Variants in UNC13C observed in about 807,000 individuals in gnomAD.
UNC13C encodes unc-13 homolog C.
A neutral mutation model predicts 245.4 loss-of-function variants in UNC13C; 174 were observed. The observed-to-expected ratio is 0.71, with a 90% confidence interval of 0.63 to 0.80. UNC13C has a LOEUF of 0.80. UNC13C is among the 30% of genes least tolerant of loss of function. The pLI is 0.00. For synonymous variants in UNC13C, 992 were observed against 895.1 expected, an observed-to-expected ratio of 1.11 and a Z score of -1.93; for missense variants, 2,829 against 2,602.9, an observed-to-expected ratio of 1.09 and a Z score of -1.89.
At position 54,627,426 on chromosome 15, in the gene UNC13C, C is replaced by CATCAGTTGTCTTTGTTAAATGA. The variant is rs1381467659; in HGVS notation, c.*314_*335dup. ...TAAAAACTAGTCTTTTGAGTTTGCC[C>CATCAGTTGTCTTTGTTAAATGA]ATCAGTTGTCTTTGTTAAATGAGAT... On this transcript the variant is annotated 3_prime_UTR_variant, in exon 33 of 33. Transcript: ENST00000260323. 5.0e-6 allele frequency: 1 copy of CATCAGTTGTCTTTGTTAAATGA among 199,890 alleles called. No homozygotes were observed. The highest frequency in any genetic ancestry group is 1.0e-5 in the Non-Finnish European group (1 of 97,678). The allele number at this position is 199,890 out of a possible 1,614,324, so 12.4% of individuals were successfully genotyped here.
At chr15:53,968,071 T>C in the UNC13C span, 1 of 152,218 alleles carries the variant, frequency 6.6e-6, no homozygotes, top group Non-Finnish European at 1.5e-5. Context: ...ATTGTTCTGA[T>C]GGTAAAGTGT....
At chr15:53,934,427 C>A in the UNC13C span, among the ~76,000 whole-genome samples, 1 of 152,118 alleles carries the variant, frequency 6.6e-6, no homozygotes, top group African/African-American at 2.4e-5. Flanking sequence ...GTATTTCTAA[C>A]ACTTAAGCAA....
chr15:54,253,229 G>C (rs1313364976), intron 8 of UNC13C, among the ~76,000 whole-genome samples: 1 of 152,182 alleles, frequency 6.6e-6, no homozygotes, highest in African/African-American at 2.4e-5. Context: ...TTGGGTTTGT[G>C]ACTTGTGCAC....
intron 4 of UNC13C, among the ~76,000 whole-genome samples, chr15:54,190,810 A>G (rs1369133790): frequency 6.6e-6 from 1 of 152,052 alleles, no homozygotes; most frequent in Non-Finnish European, 1.5e-5. Context: ...ATTTACACTT[A>G]TTGATATAAC....
At chr15:54,343,865 A>G (rs944271228) in intron 17 of UNC13C, among the ~76,000 whole-genome samples, 1 of 151,968 alleles carries the variant, frequency 6.6e-6, no homozygotes, top group African/African-American at 2.4e-5. Context: ...CTTACTGGAT[A>G]GAAATTACTA....
At chr15:54,621,130 G>A (rs1900772750) in intron 30 of UNC13C, among the ~76,000 whole-genome samples, 2 of 152,074 alleles carry the variant, frequency 1.3e-5, no homozygotes, top group Non-Finnish European at 2.9e-5. Flanking sequence ...GAAAGGTTTT[G>A]GCCCAAATCT....
At chr15:54,098,138 T>C (rs1595851315) in intron 2 of UNC13C, among the ~76,000 whole-genome samples, 2 of 152,102 alleles carry the variant, frequency 1.3e-5, no homozygotes, top group East Asian at 3.9e-4. Flanking sequence ...CTAAAGCACA[T>C]CCTCCACTTT....
chr15:54,193,818 T>C (rs932421445), intron 4 of UNC13C, among the ~76,000 whole-genome samples: 1 of 152,146 alleles, frequency 6.6e-6, no homozygotes, highest in Admixed American at 6.6e-5. Flanking sequence ...TGTACAAATA[T>C]GGATTTGATT....
At chr15:54,258,781 C>A (rs2036346944) in intron 8 of UNC13C, among the ~76,000 whole-genome samples, 1 of 152,098 alleles carries the variant, frequency 6.6e-6, no homozygotes, top group East Asian at 1.9e-4. Context: ...AATCCTCATA[C>A]TGTTAAGGGA....
At chr15:54,589,964 T>G (rs1898697176) in intron 30 of UNC13C, among the ~76,000 whole-genome samples, 1 of 152,224 alleles carries the variant, frequency 6.6e-6, no homozygotes, top group Non-Finnish European at 1.5e-5. Flanking sequence ...TTGATTTTTG[T>G]ATAAGATGAG....
chr15:53,967,078 A>ATACG, the UNC13C span, among the ~76,000 whole-genome samples: 2 of 151,962 alleles, frequency 1.3e-5, no homozygotes, highest in Admixed American at 6.6e-5. Flanking sequence ...AGTTTTTCCA[A>ATACG]TACGAATTTG....
At chr15:54,043,448 T>TTTATTTA (rs1346566727) in intron 2 of UNC13C, among the ~76,000 whole-genome samples, 1 of 152,242 alleles carries the variant, frequency 6.6e-6, no homozygotes, top group Non-Finnish European at 1.5e-5. Flanking sequence ...TTATTTTTAC[T>TTTATTTA]CTGGATTTGG....
chr15:54,297,745 G>A, intron 11 of UNC13C, 66 bp from the exon 12 acceptor site: 1 of 1,192,096 alleles, frequency 8.4e-7, no homozygotes, highest in Non-Finnish European at 1.2e-6. Flanking sequence ...TTTAGCTTTT[G>A]AGAGGTCGTA....
intron 2 of UNC13C, among the ~76,000 whole-genome samples, chr15:54,028,991 G>T (rs1274167454): frequency 2.6e-5 from 4 of 152,038 alleles, no homozygotes; most frequent in Admixed American, 6.6e-5. Flanking sequence ...TACCTAAAAC[G>T]CACAGACTTC....
At chr15:53,984,290 G>A (rs1207139516) in intron 1 of UNC13C, among the ~76,000 whole-genome samples, 1 of 151,980 alleles carries the variant, frequency 6.6e-6, no homozygotes, top group Non-Finnish European at 1.5e-5. Context: ...CAATTAGACA[G>A]ATTATGCACA....
At chr15:54,132,133 C>G (rs1212638423) in intron 2 of UNC13C, among the ~76,000 whole-genome samples, 15 of 141,536 alleles carry the variant, frequency 1.1e-4, no homozygotes, top group Non-Finnish European at 1.7e-4. Context: ...GTGGCACAAT[C>G]TAGGCTCACT....
intron 1 of UNC13C, among the ~76,000 whole-genome samples, chr15:53,982,134 T>G (rs1031875856): frequency 1.3e-5 from 2 of 152,132 alleles, no homozygotes; most frequent in Non-Finnish European, 2.9e-5. Flanking sequence ...TTCAAATATT[T>G]TCTTGTCTCC....
At chr15:54,371,577 G>A in intron 17 of UNC13C, among the ~76,000 whole-genome samples, 1 of 152,244 alleles carries the variant, frequency 6.6e-6, no homozygotes, top group Middle Eastern at 3.4e-3. Context: ...AAGTTTTAAT[G>A]TGATATAATT....
intron 26 of UNC13C, among the ~76,000 whole-genome samples, chr15:54,539,851 A>G (rs1896163830): frequency 6.6e-6 from 1 of 152,076 alleles, no homozygotes; most frequent in Non-Finnish European, 1.5e-5. Flanking sequence ...TATTTTCAGT[A>G]CATTTTGATT....
Sources: allele counts gnomAD v4.1 joint callset (sites outside exome capture counted in the v4.1 genomes callset), GRCh38; gene constraint gnomAD v4.1.1; transcripts MANE v1.5; gene names NCBI Gene and HGNC (gene_info 2026-07-23, HGNC 2026-07-21).